The following MRPS31 variants were observed in gnomAD, a reference collection of about 807,000 sequenced individuals.
MRPS31 encodes small ribosomal subunit protein mS31.
MRPS31 carries 32 observed loss-of-function variants against 43.1 expected under a neutral mutation model. That is an observed-to-expected ratio of 0.74 (90% CI 0.56 to 1.00). The LOEUF is 1.00. Among genes scored for constraint, MRPS31 ranks in the 50% least tolerant of loss-of-function variants. The pLI is 0.00. For missense variants in MRPS31, 437 were observed against 466.7 expected, an observed-to-expected ratio of 0.94 and a Z score of 0.59; for synonymous variants, 165 against 161.6, an observed-to-expected ratio of 1.02 and a Z score of -0.16.
At position 40,770,981 on chromosome 13, in the gene MRPS31, C is replaced by G; in HGVS notation, c.152+4G>C. 6.2e-7 allele frequency: 1 copy of G among 1,614,094 alleles called. No homozygotes were observed. On this transcript the variant is annotated splice_donor_region_variant and intron_variant, in intron 1 of 6. Coordinates refer to ENST00000323563, the MANE Select transcript of MRPS31 (RefSeq NM_005830.4). ...ACGGGGCACGGGGTTGCCTGAGGAC[C>G]TACCGGGCCAACAGCGCTGAACTGC...
intron 6 of MRPS31, among the ~76,000 whole-genome samples, chr13:40,733,107 A>C (rs1011179499): frequency 1.4e-5 from 2 of 147,030 alleles, no homozygotes; most frequent in East Asian, 4.1e-4. Flanking sequence ...GGGTTCGAGC[A>C]ATTCTCTTGC....
intron 4 of MRPS31, among the ~76,000 whole-genome samples, chr13:40,756,654 T>C (rs957360401): frequency 6.6e-6 from 1 of 152,192 alleles, no homozygotes; most frequent in African/African-American, 2.4e-5. Context: ...CATGGCCCGT[T>C]TTGATTTCAG....
intron 3 of MRPS31, among the ~76,000 whole-genome samples, chr13:40,758,424 C>T (rs1880596681): frequency 6.6e-6 from 1 of 152,148 alleles, no homozygotes; most frequent in South Asian, 2.1e-4. Context: ...ATTTAGATCA[C>T]TCTCCAAAAT....
At chr13:40,745,013 C>G (rs767112482) in intron 6 of MRPS31, among the ~76,000 whole-genome samples, 20 of 151,434 alleles carry the variant, frequency 1.3e-4, no homozygotes, top group Non-Finnish European at 2.1e-4. Flanking sequence ...CCTCCCTGTC[C>G]TGAGTTCAAG....
At chr13:40,758,855 G>T in intron 3 of MRPS31, 93 bp downstream of exon 3, 1 of 1,138,056 alleles carries the variant, frequency 8.8e-7, no homozygotes, top group Non-Finnish European at 1.1e-6. Flanking sequence ...TTCCACTTAC[G>T]TGGTATATAT....
chr13:40,771,185 G>A lies in MRPS31; in HGVS notation c.-49C>T, dbSNP rs201629936. ...GAACACAACTGAAATGGTGCGTCCCGCTGCCAAACACGTCCCCGCCCTCTC... is the reference window on the plus strand; with the variant it reads ...GAACACAACTGAAATGGTGCGTCCCACTGCCAAACACGTCCCCGCCCTCTC... On this transcript the variant is annotated 5_prime_UTR_variant, in exon 1 of 7. Coordinates refer to ENST00000323563, the MANE Select transcript of MRPS31 (RefSeq NM_005830.4). 1.3e-4 allele frequency: 199 copies of A among 1,537,034 alleles called. No homozygotes were observed. Among genetic ancestry groups the A allele is most frequent in the Admixed American group, 5.0e-4 (26 of 52,014 alleles).
At chr13:40,759,431 C>CT (rs1880630445) in intron 2 of MRPS31, among the ~76,000 whole-genome samples, 1 of 151,942 alleles carries the variant, frequency 6.6e-6, no homozygotes, top group Non-Finnish European at 1.5e-5. Context: ...GAGCGAGACT[C>CT]TGTCTCAAAA....
At chr13:40,759,179 T>A (rs1880622824) in intron 2 of MRPS31, 73 bp from the exon 3 acceptor site, 2 of 1,228,866 alleles carry the variant, frequency 1.6e-6, no homozygotes, top group Non-Finnish European at 2.2e-6. Flanking sequence ...GGCTCATGCC[T>A]GTAATTCCAG....
chr13:40,744,493 T>C (rs1880186280), intron 6 of MRPS31, among the ~76,000 whole-genome samples: 1 of 152,254 alleles, frequency 6.6e-6, no homozygotes, highest in African/African-American at 2.4e-5. Context: ...CAACATATGA[T>C]GTTTTCATAT....
At chr13:40,740,001 C>G (rs1462775187) in intron 6 of MRPS31, among the ~76,000 whole-genome samples, 6 of 148,676 alleles carry the variant, frequency 4.0e-5, no homozygotes, top group Admixed American at 4.0e-4. Flanking sequence ...AGTGAACAGG[C>G]AACCTACAAA....
At chr13:40,735,549 G>C (rs1033536520) in intron 6 of MRPS31, among the ~76,000 whole-genome samples, 1 of 151,898 alleles carries the variant, frequency 6.6e-6, no homozygotes, top group African/African-American at 2.4e-5. Context: ...GCTTTGAAGA[G>C]AGCAGTGGTT....
At chr13:40,766,292 TTTG>T (rs199768165) in intron 2 of MRPS31, among the ~76,000 whole-genome samples, 121 of 152,206 alleles carry the variant, frequency 7.9e-4, no homozygotes, top group African/African-American at 2.7e-3. Flanking sequence ...TAATTATTAT[TTTG>T]TTGTTGTTGT....
Position 40,756,892 on chromosome 13 carries a change from T to C in MRPS31, c.721A>G (p.Thr241Ala), listed in dbSNP as rs775938052. Residue 241 changes from threonine (T) to alanine (A), a missense_variant, in exon 4 of 7, where the codon ACG becomes GCG. Coordinates refer to ENST00000323563, the MANE Select transcript of MRPS31 (RefSeq NM_005830.4). ...TGATACCTTTTTTTAAGATCATCCG[T>C]CTTCTCCTGGCCAGGATAATTGTCA... is the stretch of plus-strand genomic sequence containing the variant. ...GYDNYPGQEK[T>A]DDLKKRKNIF... is the part of the protein sequence containing the mutation. The C allele has an allele frequency of 6.2e-7, 1 of 1,613,688 alleles. No homozygotes were observed. Among genetic ancestry groups the C allele is most frequent in the Non-Finnish European group, 8.5e-7 (1 of 1,179,900 alleles).
intron 1 of MRPS31, among the ~76,000 whole-genome samples, chr13:40,767,714 GA>G (rs1566112961): frequency 6.6e-6 from 1 of 152,182 alleles, no homozygotes; most frequent in Admixed American, 6.5e-5. Flanking sequence ...GGGTTGGGTA[GA>G]AAAACACTGA....
chr13:40,748,166 T>C (rs1274811982), intron 6 of MRPS31, among the ~76,000 whole-genome samples: 1 of 152,236 alleles, frequency 6.6e-6, no homozygotes, highest in Non-Finnish European at 1.5e-5. Flanking sequence ...GTTTGTTTGT[T>C]TGTTTTTTGA....
chr13:40,749,938 C>A (rs894894564), intron 5 of MRPS31, among the ~76,000 whole-genome samples: 1 of 152,192 alleles, frequency 6.6e-6, no homozygotes, highest in East Asian at 1.9e-4. Context: ...GGTACAACCA[C>A]CTTGGAAAAC....
At chr13:40,754,330 C>T (rs1880470470) in intron 4 of MRPS31, among the ~76,000 whole-genome samples, 1 of 152,032 alleles carries the variant, frequency 6.6e-6, no homozygotes, top group South Asian at 2.1e-4. Context: ...TCCAAAATAC[C>T]TAATTGAAAA....
chr13:40,734,802 G>A (rs1879828674), intron 6 of MRPS31, among the ~76,000 whole-genome samples: 1 of 152,100 alleles, frequency 6.6e-6, no homozygotes, highest in African/African-American at 2.4e-5. Flanking sequence ...AGGCTGAGAT[G>A]GGAGGATCAC....
At chr13:40,730,191 G>A (rs1404145083) in intron 6 of MRPS31, among the ~76,000 whole-genome samples, 1 of 151,912 alleles carries the variant, frequency 6.6e-6, no homozygotes, top group Non-Finnish European at 1.5e-5. Context: ...TATATATAAA[G>A]TTCATTTACA....
Sources: gnomAD v4.1 joint callset for allele counts (sites outside exome capture counted in the v4.1 genomes callset) on GRCh38, gnomAD v4.1.1 for gene constraint, MANE v1.5 for transcripts, NCBI Gene and HGNC (gene_info 2026-07-23, HGNC 2026-07-21) for gene names.